The following GPR158 variants were observed in gnomAD, a reference collection of about 807,000 sequenced individuals.
GPR158 encodes metabotropic glycine receptor.
Under a neutral mutation model 78.2 loss-of-function variants are expected in GPR158, and 30 were observed. The ratio of observed to expected loss-of-function variants is 0.38; its 90% CI spans 0.29 to 0.52. The LOEUF (loss-of-function observed/expected upper bound fraction) is 0.52. Ranked by LOEUF, GPR158 falls within the 20% of genes least tolerant of loss-of-function variation. GPR158 has a pLI of 0.83. For missense variants in GPR158, 1,463 were observed against 1,523.5 expected (o/e 0.96, Z 0.66); for synonymous variants, 581 against 591.1 (o/e 0.98, Z 0.25).
At chr10:25,323,484 A>T (rs1171921223) in intron 2 of GPR158, among the ~76,000 whole-genome samples, 2 of 151,596 alleles carry the variant, frequency 1.3e-5, no homozygotes, top group African/African-American at 4.9e-5. Context: ...TACATTGAAG[A>T]TCTGTTCTTT....
intron 5 of GPR158, among the ~76,000 whole-genome samples, chr10:25,468,404 CTTG>C: frequency 6.6e-6 from 1 of 152,222 alleles, no homozygotes; most frequent in Non-Finnish European, 1.5e-5. Context: ...ATTCCTAAAC[CTTG>C]TTTTTTCTTA....
chr10:25,183,426 G>T (rs1852637853), intron 1 of GPR158, among the ~76,000 whole-genome samples: 1 of 152,080 alleles, frequency 6.6e-6, no homozygotes, highest in Non-Finnish European at 1.5e-5. Context: ...TTCATTATAG[G>T]TAGAGCTCAG....
intron 5 of GPR158, among the ~76,000 whole-genome samples, chr10:25,481,487 CTG>C (rs1288935836): frequency 6.6e-6 from 1 of 152,158 alleles, no homozygotes; most frequent in Non-Finnish European, 1.5e-5. Flanking sequence ...TCAAGGATAA[CTG>C]GGACCTGTTC....
At chr10:25,353,891 CTT>C (rs1399755269) in intron 2 of GPR158, among the ~76,000 whole-genome samples, 3 of 151,962 alleles carry the variant, frequency 2.0e-5, no homozygotes, top group Non-Finnish European at 2.9e-5. Context: ...CATTTTGTTT[CTT>C]GTTTTGTAAG....
chr10:25,490,604 C>T (rs1052934372), intron 5 of GPR158, among the ~76,000 whole-genome samples: 4 of 149,996 alleles, frequency 2.7e-5, no homozygotes, highest in African/African-American at 4.9e-5. Flanking sequence ...CATCCATGTC[C>T]CTACAAAGGA....
chr10:25,269,341 A>G (rs1452340684), intron 2 of GPR158, among the ~76,000 whole-genome samples: 1 of 152,218 alleles, frequency 6.6e-6, no homozygotes. Flanking sequence ...AAGAAGTTCT[A>G]CTTTATATCC....
At chr10:25,376,571 T>C (rs2130558954) in intron 2 of GPR158, among the ~76,000 whole-genome samples, 1 of 151,812 alleles carries the variant, frequency 6.6e-6, no homozygotes, top group South Asian at 2.1e-4. Context: ...ACTCCACATA[T>C]TTATCCATTC....
At chr10:25,249,702 G>T (rs1255026483) in intron 2 of GPR158, among the ~76,000 whole-genome samples, 2 of 151,830 alleles carry the variant, frequency 1.3e-5, no homozygotes, top group East Asian at 3.9e-4. Context: ...TGTGCTGCTG[G>T]ATTCGGTTTG....
intron 5 of GPR158, among the ~76,000 whole-genome samples, chr10:25,467,572 A>G (rs1835442016): frequency 6.6e-6 from 1 of 152,206 alleles, no homozygotes; most frequent in South Asian, 2.1e-4. Flanking sequence ...CTCATGAGAT[A>G]GAGGGTTAAA....
intron 1 of GPR158, among the ~76,000 whole-genome samples, chr10:25,220,440 TAAGTGAA>T (rs921718454): frequency 6.6e-6 from 1 of 152,330 alleles, no homozygotes; most frequent in South Asian, 2.1e-4. Flanking sequence ...CTCAAATGGC[TAAGTGAA>T]ATGCAGTCTC....
At chr10:25,250,000 G>C (rs1393725174) in intron 2 of GPR158, among the ~76,000 whole-genome samples, 3 of 144,840 alleles carry the variant, frequency 2.1e-5, no homozygotes, top group African/African-American at 5.2e-5. Flanking sequence ...TCCTGTTATT[G>C]GTCTATTCAG....
At chr10:25,225,937 A>G (rs1262995722) in intron 2 of GPR158, among the ~76,000 whole-genome samples, 1 of 151,946 alleles carries the variant, frequency 6.6e-6, no homozygotes, top group Non-Finnish European at 1.5e-5. Context: ...AAGCAGAAAA[A>G]CCCTCTTACA....
intron 2 of GPR158, among the ~76,000 whole-genome samples, chr10:25,270,015 A>G (rs991193668): frequency 7.9e-5 from 12 of 152,042 alleles, no homozygotes; most frequent in African/African-American, 2.2e-4. Flanking sequence ...CTCTTTTACC[A>G]CCTATAATGC....
intron 2 of GPR158, among the ~76,000 whole-genome samples, chr10:25,327,506 G>A (rs1018752463): frequency 9.9e-5 from 15 of 152,156 alleles, no homozygotes; most frequent in African/African-American, 3.4e-4. Flanking sequence ...TGGGCTGGCT[G>A]TGTTCTCTCC....
chr10:25,500,945 C>T (rs769999076), intron 5 of GPR158, among the ~76,000 whole-genome samples: 1 of 152,162 alleles, frequency 6.6e-6, no homozygotes, highest in Non-Finnish European at 1.5e-5. Context: ...TGTTTGGCAT[C>T]AAGTCACATT....
chr10:25,570,901 C>CAA (rs1172853622), intron 6 of GPR158, among the ~76,000 whole-genome samples: 4 of 152,106 alleles, frequency 2.6e-5, no homozygotes, highest in Non-Finnish European at 5.9e-5. Context: ...GCCTGGGTGA[C>CAA]AAAGTGAGAC....
chr10:25,537,264 T>G (rs1836513340), intron 5 of GPR158, among the ~76,000 whole-genome samples: 1 of 152,234 alleles, frequency 6.6e-6, no homozygotes. Flanking sequence ...CTGAGGACTC[T>G]TAATTCATTT....
chr10:25,439,828 C>T (rs946462906), intron 4 of GPR158, among the ~76,000 whole-genome samples: 1 of 152,174 alleles, frequency 6.6e-6, no homozygotes, highest in Non-Finnish European at 1.5e-5. Context: ...CAATTGTCTA[C>T]AATTGTGTCT....
At chr10:25,328,806 A>G (rs982632127) in intron 2 of GPR158, among the ~76,000 whole-genome samples, 2 of 151,794 alleles carry the variant, frequency 1.3e-5, no homozygotes, top group Non-Finnish European at 2.9e-5. Flanking sequence ...GGACACCTGT[A>G]ATCCCAGATG....
Sources: gnomAD v4.1 joint callset for allele counts (sites outside exome capture counted in the v4.1 genomes callset) on GRCh38, gnomAD v4.1.1 for gene constraint, MANE v1.5 for transcripts, NCBI Gene and HGNC (gene_info 2026-07-23, HGNC 2026-07-21) for gene names.